The following DISP2 variants were observed in gnomAD, a reference collection of about 807,000 sequenced individuals.
DISP2 encodes protein dispatched homolog 2.
Under a neutral mutation model 95.5 loss-of-function variants are expected in DISP2, and 59 were observed. That is an observed-to-expected ratio of 0.62 (90% CI 0.50 to 0.77). DISP2 has a LOEUF of 0.77. Ranked by LOEUF, DISP2 falls within the 30% of genes least tolerant of loss-of-function variation. The probability of loss-of-function intolerance (pLI) is 0.00; values close to 1 mark genes in which losing one functional copy is unlikely to be tolerated. For missense variants in DISP2, 1,752 were observed against 1,854.6 expected (o/e 0.94, Z 1.02); for synonymous variants, 827 against 815.0 (o/e 1.01, Z -0.25).
At chr15:40,365,317 C>T (rs1432395323) in intron 6 of DISP2, 43 bp downstream of exon 6, 6 of 1,605,014 alleles carry the variant, frequency 3.7e-6, no homozygotes, top group Non-Finnish European at 5.1e-6. Flanking sequence ...ATAGTGGTCC[C>T]CACCCCACCT....
Position 40,358,316 on chromosome 15 carries a change from AC to A in DISP2, c.-5del, listed in dbSNP as rs1337565940. ...CAGCGCCCGGACAGCGGTGCCGCCC[AC>A]GGGCATGGACGGTGACAGCAGCAGC... is the stretch of plus-strand genomic sequence containing the variant. On this transcript the variant is annotated 5_prime_UTR_variant, in exon 1 of 8. Coordinates refer to ENST00000267889, the MANE Select transcript of DISP2 (RefSeq NM_033510.3). The A allele has an allele frequency of 7.5e-7, 1 of 1,329,944 alleles. No homozygotes were observed. Among genetic ancestry groups the A allele is most frequent in the Admixed American group, 3.4e-5 (1 of 29,600 alleles). 82.4% of individuals were successfully genotyped at this position (1,329,944 alleles called of 1,614,324 possible).
In DISP2 at chr15:40,366,999, G is replaced by T. The variant is rs569973086; in HGVS notation, c.946-59G>T. 8.8e-5 allele frequency: 140 copies of T among 1,582,548 alleles called. 1 individual carries two copies. In the African/African-American group the frequency reaches 1.8e-3, roughly 20 times the overall value. Reference sequence around the variant, plus strand: ...AGATGAGAGAGCCTTGTATAGGACTGGGAAAACCTGAGCCCTTGGGCTGCC... The same window carrying T: ...AGATGAGAGAGCCTTGTATAGGACTTGGAAAACCTGAGCCCTTGGGCTGCC... On this transcript the variant is annotated intron_variant, in intron 7 of 7. Coordinates refer to ENST00000267889, the MANE Select transcript of DISP2 (RefSeq NM_033510.3).
chr15:40,367,901 G>A lies in DISP2; in HGVS notation c.1789G>A (p.Gly597Ser), dbSNP rs565839153. Reference protein sequence around the residue: ...HHFGYLLLVSGLTTSAAFYAS... With the variant: ...HHFGYLLLVSSLTTSAAFYAS... ...CTTCGGCTACCTGCTGCTGGTCTCC[G>A]GCCTCACCACGAGCGCGGCCTTCTA... The change falls in exon 8 of 8, where the codon GGC (glycine) becomes AGC (serine). Residue 597 changes from glycine to serine, a missense_variant. Gly to Ser is a moderately conservative substitution (Grantham distance 56). Around this residue, in one of 5 missense-constraint regions of DISP2, gnomAD observed 732 missense variants for 714.6 expected, o/e 1.02. Coordinates refer to ENST00000267889, the MANE Select transcript of DISP2 (RefSeq NM_033510.3). 3.1e-6 allele frequency: 5 copies of A among 1,597,988 alleles called. No individual in the cohort carries two copies. In the South Asian group the frequency reaches 4.4e-5, roughly 14 times the overall value.
At chr15:40,364,039 C>A (rs560604032) in intron 2 of DISP2, 85 bp downstream of exon 2, 16 of 1,489,168 alleles carry the variant, frequency 1.1e-5, no homozygotes, top group Middle Eastern at 2.1e-4. Context: ...GGGCTCTAGA[C>A]TCCTTTCTTA....
rs1889679796 is a variant in DISP2 at position 40,373,546 on chromosome 15, A to C, written c.*3228A>C. On this transcript the variant is annotated 3_prime_UTR_variant, in exon 8 of 8. Coordinates refer to ENST00000267889, the MANE Select transcript of DISP2 (RefSeq NM_033510.3). ...TGGTGAAACCCCGCCTCTACTAAAA[A>C]TACAAAAATTAGTTGGGCGTGGTGG... The C allele has an allele frequency of 2.0e-5, 3 of 151,892 alleles. No individual in the cohort carries two copies. In the South Asian group the frequency reaches 6.2e-4, roughly 32 times the overall value. The allele number at this position is 151,892 out of a possible 1,614,324, so 9.4% of individuals were successfully genotyped here.
In DISP2 at chr15:40,370,008, G is replaced by A; in HGVS notation, c.3896G>A (p.Cys1299Tyr). 6.2e-7 allele frequency: 1 copy of A among 1,614,038 alleles called. No individual in the cohort carries two copies. The highest frequency in any genetic ancestry group is 1.1e-5 in the South Asian group (1 of 91,092). The change falls in exon 8 of 8, where the codon TGC becomes TAC. Residue 1299 changes from cysteine to tyrosine, a missense_variant. Around this residue, in one of 5 missense-constraint regions of DISP2, gnomAD observed 347 missense variants for 344.2 expected, o/e 1.01. Transcript: ENST00000267889. ...LEGLSVSDET[C>Y]LSTSEPSARV... ...GGGCTCAGCGTCTCTGATGAGACCT[G>A]CCTAAGCACCTCTGAGCCCAGTGCC... is the stretch of plus-strand genomic sequence containing the variant.
intron 1 of DISP2, among the ~76,000 whole-genome samples, chr15:40,359,923 T>TTTTA (rs1343073677): frequency 6.6e-6 from 1 of 152,258 alleles, no homozygotes; most frequent in Non-Finnish European, 1.5e-5. Flanking sequence ...AAAATTACCT[T>TTTTA]TTTATTTTCC....
intron 5 of DISP2, 35 bp downstream of exon 5, chr15:40,364,988 G>A (rs772337911): frequency 6.2e-7 from 1 of 1,610,942 alleles, no homozygotes; most frequent in South Asian, 1.1e-5. Context: ...GTGGGTGGCA[G>A]AGGGAAGAAT....
chr15:40,364,961 G>T lies in DISP2; in HGVS notation c.719+8G>T, dbSNP rs1889473029. ...AGACCTTGAGCTGAACAGGTAACAG[G>T]CTCTCATCTTTTCACTGTGGGTGGC... On this transcript the variant is annotated splice_region_variant and intron_variant, in intron 5 of 7. Coordinates refer to ENST00000267889, the MANE Select transcript of DISP2 (RefSeq NM_033510.3). The T allele has an allele frequency of 6.2e-7, 1 of 1,613,252 alleles. No homozygotes were observed. Among genetic ancestry groups the T allele is most frequent in the Non-Finnish European group, 8.5e-7 (1 of 1,179,670 alleles).
chr15:40,363,034 TG>T (rs1472734734), intron 1 of DISP2, among the ~76,000 whole-genome samples: 2 of 151,934 alleles, frequency 1.3e-5, no homozygotes, highest in African/African-American at 4.8e-5. Flanking sequence ...CTGGGCGCGG[TG>T]GCTCACGCCT....
In DISP2 at chr15:40,358,420, A is replaced by T. The variant is rs1369302890; in HGVS notation, c.99A>T (p.Pro33=). Residue 33 remains proline (P), a synonymous_variant, in exon 1 of 8, where the codon CCA becomes CCT. Coordinates refer to ENST00000267889, the MANE Select transcript of DISP2 (RefSeq NM_033510.3). ...GGCCCGAGGGGGAGCCCTTGGCCCC[A>T]GACGGCGGCTCCCCGGACAGGTAGG... The part of the protein sequence containing the change: ...EQRPEGEPLA[P]DGGSPDSTQT... 3 of 1,331,074 alleles carry T rather than the reference A, an allele frequency of 2.3e-6. No individual in the cohort carries two copies. The East Asian group carries it at 9.3e-5, about 41-fold the overall frequency. The allele number at this position is 1,331,074 out of a possible 1,614,324, so 82.5% of individuals were successfully genotyped here.
At position 40,368,934 on chromosome 15, in the gene DISP2, G is replaced by A; in HGVS notation, c.2822G>A (p.Gly941Asp). ...GCGGAGCTGGGCATGGCACCTCCAG[G>A]CCTCCGCCGTGGTTGGTTCACTAGC... Reference protein sequence around the residue: ...LAAELGMAPPGLRRGWFTSRL... With the variant: ...LAAELGMAPPDLRRGWFTSRL... Residue 941 changes from glycine (G) to aspartate (D), a missense_variant, in exon 8 of 8, where the codon GGC (glycine) becomes GAC (aspartate). Gly to Asp is a moderately conservative substitution (Grantham distance 94). Transcript: ENST00000267889. 6.2e-7 allele frequency: 1 copy of A among 1,613,886 alleles called. No homozygotes were observed. The highest frequency in any genetic ancestry group is 8.5e-7 in the Non-Finnish European group (1 of 1,180,044).
intron 1 of DISP2, among the ~76,000 whole-genome samples, chr15:40,358,989 G>A (rs762235698): frequency 1.9e-4 from 29 of 152,238 alleles, no homozygotes; most frequent in Non-Finnish European, 4.0e-4. Context: ...CCTGCATGTG[G>A]CAGCCACACT....
chr15:40,368,225 A>G lies in DISP2; in HGVS notation c.2113A>G (p.Ile705Val), dbSNP rs780998895. ...LPCGVIKFRY[I>V]WICWFAALAA... The stretch of plus-strand genomic sequence containing the variant: ...CTGCGGCGTCATCAAGTTCCGCTAC[A>G]TCTGGATCTGCTGGTTCGCAGCACT... The change falls in exon 8 of 8, where the codon ATC becomes GTC. Residue 705 changes from isoleucine (I) to valine (V), a missense_variant. Ile to Val is a conservative substitution (Grantham distance 29). Transcript: ENST00000267889. The G allele has an allele frequency of 4.3e-5, 69 of 1,610,502 alleles. No homozygotes were observed. Among genetic ancestry groups the G allele is most frequent in the Non-Finnish European group, 5.7e-5 (67 of 1,179,136 alleles).
In DISP2 at chr15:40,369,963, C is replaced by T. The variant is rs764410796; in HGVS notation, c.3851C>T (p.Ser1284Phe). 122 of 1,610,792 alleles carry T rather than the reference C, an allele frequency of 7.6e-5. No individual in the cohort carries two copies. The highest frequency in any genetic ancestry group is 9.6e-5 in the Non-Finnish European group (113 of 1,178,518). Residue 1284 changes from serine to phenylalanine, a missense_variant, in exon 8 of 8, where the codon TCC (serine) becomes TTC (phenylalanine). By Grantham distance (155) the Ser-to-Phe change is radical. This residue lies in a region of DISP2 where 347 missense variants were observed against 344.2 expected (regional missense o/e 1.01). Coordinates refer to ENST00000267889, the MANE Select transcript of DISP2 (RefSeq NM_033510.3). Reference sequence around the variant, plus strand: ...GCAGATCCTCCTGATGGCTTCTGTTCCTCAGCCAGCACCCTGGAGGGGCTC... The same window carrying T: ...GCAGATCCTCCTGATGGCTTCTGTTTCTCAGCCAGCACCCTGGAGGGGCTC... ...KAADPPDGFC[S>F]SASTLEGLSV...
intron 1 of DISP2, among the ~76,000 whole-genome samples, chr15:40,360,118 C>G (rs1452362346): frequency 1.3e-5 from 2 of 152,166 alleles, no homozygotes; most frequent in Non-Finnish European, 2.9e-5. Context: ...TGCTGGGATG[C>G]TGGCCTCTTA....
At position 40,368,415 on chromosome 15, in the gene DISP2, G is replaced by A; in HGVS notation, c.2303G>A (p.Gly768Asp). The A allele has an allele frequency of 1.9e-6, 3 of 1,608,936 alleles. No individual in the cohort carries two copies. Among genetic ancestry groups the A allele is most frequent in the Non-Finnish European group, 1.7e-6 (2 of 1,179,854 alleles). Residue 768 changes from glycine (G) to aspartate (D), a missense_variant, in exon 8 of 8, where the codon GGC (glycine) becomes GAC (aspartate). By Grantham distance (94) the Gly-to-Asp change is moderately conservative. Coordinates refer to ENST00000267889, the MANE Select transcript of DISP2 (RefSeq NM_033510.3). Reference sequence around the variant, plus strand: ...GAGCAGCTGCCGCAGGGCGAGGGCGGCCACATGCCCGTGGTTTTGGTGTGG... The same window carrying A: ...GAGCAGCTGCCGCAGGGCGAGGGCGACCACATGCCCGTGGTTTTGGTGTGG... ...LFEQLPQGEGGHMPVVLVWGV... is the reference protein window; with the variant it reads ...LFEQLPQGEGDHMPVVLVWGV...
rs1279555273 is a variant in DISP2, at chr15:40,374,611, A to T, written c.*4293A>T. The T allele has an allele frequency of 7.3e-6, 1 of 136,150 alleles. No homozygotes were observed. The highest frequency in any genetic ancestry group is 1.6e-5 in the Non-Finnish European group (1 of 63,376). The allele number at this position is 136,150 out of a possible 1,614,324, so 8.4% of individuals were successfully genotyped here. ...TTGCCTATCGTCCAGAGAGTTTCTG[A>T]TCTTTTCTTTTTTTTTGAGACGGAG... On this transcript the variant is annotated 3_prime_UTR_variant, in exon 8 of 8. Transcript: ENST00000267889.
chr15:40,374,014 A>AAAAAAAAAAATATATATATATATATAT lies in DISP2; in HGVS notation c.*3697_*3698insAAAAAAAAATATATATATATATATATA. 1 of 104,192 alleles carries AAAAAAAAAAATATATATATATATATAT rather than the reference A, an allele frequency of 9.6e-6. No homozygotes were observed. Among genetic ancestry groups the AAAAAAAAAAATATATATATATATATAT allele is most frequent in the African/African-American group, 4.2e-5 (1 of 23,942 alleles). 6.5% of individuals were successfully genotyped at this position (104,192 alleles called of 1,614,324 possible). ...GCGAGACTCCATCTTAAAAAAAAAAAATATATATATATATATATGTAAACT... is the reference window on the plus strand; with the variant it reads ...GCGAGACTCCATCTTAAAAAAAAAAAAAAAAAAAAATATATATATATATATATATATATATATATATATATGTAAACT... On this transcript the variant is annotated 3_prime_UTR_variant, in exon 8 of 8. Coordinates refer to ENST00000267889, the MANE Select transcript of DISP2 (RefSeq NM_033510.3).
Sources: gnomAD v4.1 joint callset for allele counts (sites outside exome capture counted in the v4.1 genomes callset) on GRCh38, gnomAD v4.1.1 for gene constraint, gnomAD v4.1.1 regional missense constraint, MANE v1.5 for transcripts, NCBI Gene and HGNC (gene_info 2026-07-23, HGNC 2026-07-21) for gene names.